SHANK2: variants seen among roughly 807,000 people sequenced by gnomAD.
SHANK2 encodes SH3 and multiple ankyrin repeat domains 2, also known as SH3 and multiple ankyrin repeat domains protein 2.
SHANK2 carries 43 observed loss-of-function variants against 133.7 expected under a neutral mutation model. The ratio of observed to expected loss-of-function variants is 0.32; its 90% CI spans 0.25 to 0.41. SHANK2 has a LOEUF of 0.41. SHANK2 is among the 10% of genes least tolerant of loss of function. The pLI is 1.00. For missense variants in SHANK2, 1,994 were observed against 2,235.8 expected (o/e 0.89, Z 2.18); for synonymous variants, 1,017 against 952.8 (o/e 1.07, Z -1.24).
At chr11:70,564,302 A>G (rs1260700433) in intron 17 of SHANK2, among the ~76,000 whole-genome samples, 2 of 150,720 alleles carry the variant, frequency 1.3e-5, no homozygotes, top group Non-Finnish European at 2.9e-5. Flanking sequence ...CCTGTTGCCC[A>G]GGCTGGAGTG....
chr11:70,933,384 G>T (rs1950527795), intron 10 of SHANK2: 2 of 450,670 alleles, frequency 4.4e-6, no homozygotes, highest in Non-Finnish European at 8.9e-6. Context: ...CAAAGAGTTG[G>T]TGTTTAATGG....
intron 3 of SHANK2, among the ~76,000 whole-genome samples, chr11:71,146,204 G>C (rs1952640180): frequency 6.6e-6 from 1 of 152,232 alleles, no homozygotes; most frequent in African/African-American, 2.4e-5. Context: ...TCTCCGATTT[G>C]AGGCCACATG....
rs577741873 is a variant in SHANK2, at chr11:71,119,279, T to C, written c.208-247A>G. Among the ~76,000 whole-genome samples, 5 of 152,308 alleles carry C rather than the reference T, an allele frequency of 3.3e-5. No homozygotes were observed. The South Asian group carries it at 8.3e-4, about 25-fold the overall frequency. On this transcript the variant is annotated intron_variant, in intron 3 of 25. Transcript: ENST00000601538. ...GGTCTCTTTGGCCTTGATCTCACCATGGACTCAAATCTCCAGCACTGGCCG... is the reference window on the plus strand; with the variant it reads ...GGTCTCTTTGGCCTTGATCTCACCACGGACTCAAATCTCCAGCACTGGCCG...
At chr11:70,736,834 TG>T (rs1946415413) in intron 14 of SHANK2, among the ~76,000 whole-genome samples, 1 of 151,678 alleles carries the variant, frequency 6.6e-6, no homozygotes, top group African/African-American at 2.4e-5. Flanking sequence ...ACCATCTCCC[TG>T]GGGGTGAAGT....
chr11:70,709,289 G>A (rs1234359990), intron 14 of SHANK2, among the ~76,000 whole-genome samples: 12 of 152,252 alleles, frequency 7.9e-5, no homozygotes, highest in Non-Finnish European at 1.8e-4. Context: ...GGTGACTGCA[G>A]AGAGCTGAGT....
chr11:70,712,916 G>A (rs574241855), intron 14 of SHANK2, among the ~76,000 whole-genome samples: 5 of 152,316 alleles, frequency 3.3e-5, no homozygotes, highest in East Asian at 3.9e-4. Context: ...CTGGAAGATC[G>A]TGGTTCCTCC....
chr11:70,829,263 C>T (rs1227869703), intron 11 of SHANK2, among the ~76,000 whole-genome samples: 1 of 152,172 alleles, frequency 6.6e-6, no homozygotes, highest in Non-Finnish European at 1.5e-5. Context: ...GAGAAAAACC[C>T]AGAACCTCTG....
At chr11:70,694,701 G>T (rs144620989) in intron 15 of SHANK2, among the ~76,000 whole-genome samples, 220 of 152,308 alleles carry the variant, frequency 1.4e-3, no homozygotes, top group African/African-American at 5.2e-3. Flanking sequence ...CTCCATTGGA[G>T]AAGCTGGCAG....
intron 15 of SHANK2, among the ~76,000 whole-genome samples, chr11:70,680,039 G>C (rs925792229): frequency 6.6e-6 from 1 of 152,194 alleles, no homozygotes; most frequent in Non-Finnish European, 1.5e-5. Context: ...TGCACAGTCT[G>C]AGAGAGGCGG....
At chr11:70,580,432 C>T (rs2060169019) in intron 17 of SHANK2, among the ~76,000 whole-genome samples, 1 of 152,226 alleles carries the variant, frequency 6.6e-6, no homozygotes, top group South Asian at 2.1e-4. Context: ...CCAGAATGCT[C>T]AATCGCGTCC....
chr11:70,884,963 C>T (rs746027854), intron 11 of SHANK2, among the ~76,000 whole-genome samples: 1 of 152,156 alleles, frequency 6.6e-6, no homozygotes, highest in African/African-American at 2.4e-5. Flanking sequence ...TCAGGCGATC[C>T]ACCCACCTCA....
intron 14 of SHANK2, among the ~76,000 whole-genome samples, chr11:70,750,862 C>T (rs1555037332): frequency 1.3e-5 from 2 of 152,118 alleles, no homozygotes; most frequent in Non-Finnish European, 2.9e-5. Context: ...CATAAAAGTT[C>T]TATAAAAGGA....
intron 17 of SHANK2, among the ~76,000 whole-genome samples, chr11:70,628,097 T>A (rs2060928762): frequency 6.6e-6 from 1 of 152,150 alleles, no homozygotes; most frequent in Non-Finnish European, 1.5e-5. Context: ...GTAGCTGGGA[T>A]TACAGGCGCA....
In SHANK2 at chr11:70,798,546, G is replaced by A. The variant is rs573319906; in HGVS notation, c.1674C>T (p.Ile558=). Residue 558 remains isoleucine (I), a synonymous_variant, in exon 14 of 26, where the codon ATC becomes ATT. Coordinates refer to ENST00000601538, the MANE Select transcript of SHANK2 (RefSeq NM_012309.5). ...TGCCTTCCCAGAAGCCCCCTTCACCGATGCTCAGAACTAGAGACGACAAAA... is the reference window on the plus strand; with the variant it reads ...TGCCTTCCCAGAAGCCCCCTTCACCAATGCTCAGAACTAGAGACGACAAAA... The part of the protein sequence containing the change: ...HRGDRVKVLS[I]GEGGFWEGSA... The A allele has an allele frequency of 2.6e-5, 19 of 718,614 alleles. No individual in the cohort carries two copies. Among genetic ancestry groups the A allele is most frequent in the Middle Eastern group, 2.3e-4 (1 of 4,372 alleles). 44.5% of individuals were successfully genotyped at this position (718,614 alleles called of 1,614,324 possible).
chr11:70,528,736 G>A (rs1479438691), intron 17 of SHANK2, among the ~76,000 whole-genome samples: 11 of 151,978 alleles, frequency 7.2e-5, no homozygotes, highest in East Asian at 5.9e-4. Flanking sequence ...GGAAGGAAGC[G>A]TCCTCGGCAT....
intron 14 of SHANK2, among the ~76,000 whole-genome samples, chr11:70,752,317 T>G (rs188367233): frequency 5.3e-5 from 8 of 152,132 alleles, no homozygotes; most frequent in African/African-American, 1.9e-4. Context: ...GAAAAAGACA[T>G]ACACACACTA....
At chr11:70,566,846 G>A (rs1401144278) in intron 17 of SHANK2, among the ~76,000 whole-genome samples, 7 of 152,176 alleles carry the variant, frequency 4.6e-5, no homozygotes, top group African/African-American at 1.7e-4. Context: ...CTTTGGATAT[G>A]CCAATCTGAA....
intron 14 of SHANK2, among the ~76,000 whole-genome samples, chr11:70,779,501 G>C (rs1394737572): frequency 1.3e-5 from 2 of 152,080 alleles, no homozygotes; most frequent in Non-Finnish European, 2.9e-5. Flanking sequence ...TATTTTGGAA[G>C]AACCAAACAT....
intron 14 of SHANK2, among the ~76,000 whole-genome samples, chr11:70,766,417 T>A (rs1326411406): frequency 6.6e-6 from 1 of 152,222 alleles, no homozygotes; most frequent in Non-Finnish European, 1.5e-5. Context: ...ACGTCTTGGA[T>A]AATCTGGCTG....
Sources: allele counts gnomAD v4.1 joint callset (sites outside exome capture counted in the v4.1 genomes callset), GRCh38; gene constraint gnomAD v4.1.1; transcripts MANE v1.5; gene names NCBI Gene and HGNC (gene_info 2026-07-23, HGNC 2026-07-21).